The following CELF2 variants were observed in gnomAD, a reference collection of about 807,000 sequenced individuals.
CELF2 encodes the protein CUG triplet repeat RNA-binding protein 2.
Under a neutral mutation model 62.6 loss-of-function variants are expected in CELF2, and 8 were observed. The observed-to-expected ratio is 0.13, with a 90% CI of 0.07 to 0.23. The LOEUF is 0.23. CELF2 is among the 10% of genes least tolerant of loss of function. The pLI is 1.00. For missense variants in CELF2, 333 were observed against 671.0 expected (o/e 0.50, Z 5.56); for synonymous variants, 258 against 250.0 (o/e 1.03, Z -0.30).
chr10:10,545,018 C>T, the CELF2 span, among the ~76,000 whole-genome samples: 1 of 152,178 alleles, frequency 6.6e-6, no homozygotes, highest in Non-Finnish European at 1.5e-5. Context: ...TTCCTAATCA[C>T]TGTAATACAC....
the CELF2 span, among the ~76,000 whole-genome samples, chr10:10,536,493 C>T: frequency 2.4e-4 from 36 of 152,180 alleles, no homozygotes; most frequent in Non-Finnish European, 1.5e-4. Flanking sequence ...GTGTTCCTCA[C>T]GGAGGAGAAT....
chr10:10,907,821 A>T (rs1231275980), intron 1 of CELF2, among the ~76,000 whole-genome samples: 69 of 152,314 alleles, frequency 4.5e-4, no homozygotes, highest in South Asian at 4.1e-4. Flanking sequence ...ATGATTGAAT[A>T]CATTGAATAC....
chr10:11,142,683 C>CAAAAAAA lies in CELF2; in HGVS notation c.75-22789_75-22783dup, dbSNP rs1006618543. Among the ~76,000 whole-genome samples, 58 of 63,702 alleles carry CAAAAAAA rather than the reference C, an allele frequency of 9.1e-4. 2 individuals carry two copies. Among genetic ancestry groups the CAAAAAAA allele is most frequent in the Non-Finnish European group, 1.1e-3 (34 of 31,160 alleles). The allele number at this position is 63,702 out of a possible 152,430, so 41.8% of individuals were successfully genotyped here. ...TGGGTGACAGAGCGAGACGCTGTCT[C>CAAAAAAA]AAAAAAAAAAAAAAAAAAAAGCAGA... On this transcript the variant is annotated intron_variant, in intron 1 of 12. Transcript: ENST00000633077.
chr10:11,035,487 T>A (rs2060802891), intron 1 of CELF2, among the ~76,000 whole-genome samples: 2 of 152,200 alleles, frequency 1.3e-5, no homozygotes, highest in African/African-American at 4.8e-5. Context: ...AGCCAAAGCG[T>A]GACCACAGCC....
chr10:10,911,435 T>C (rs2063799600), intron 1 of CELF2, among the ~76,000 whole-genome samples: 1 of 152,146 alleles, frequency 6.6e-6, no homozygotes, highest in South Asian at 2.1e-4. Flanking sequence ...TGAAAGATGA[T>C]CAGGAAGAGG....
the CELF2 span, among the ~76,000 whole-genome samples, chr10:10,739,814 G>C: frequency 6.6e-6 from 1 of 152,086 alleles, no homozygotes; most frequent in Non-Finnish European, 1.5e-5. Flanking sequence ...ATCTCATTGT[G>C]GTTTTCAGTT....
At chr10:10,963,009 GTTTTGTTTTGTTTTGTT>G (rs1266464754) in intron 2 of CELF2, among the ~76,000 whole-genome samples, 9 of 127,072 alleles carry the variant, frequency 7.1e-5, no homozygotes, top group African/African-American at 3.1e-4. Flanking sequence ...GTTTTGTTTT[GTTTTGTTTTGTTTTGTT>G]TTGTTTTGTT....
At chr10:11,013,639 C>G (rs1468592230), upstream of CELF2, among the ~76,000 whole-genome samples, 1 of 152,196 alleles carries the variant, frequency 6.6e-6, no homozygotes, top group Non-Finnish European at 1.5e-5. This position sits in a 1 kb window ranked among gnomAD's most constrained non-coding sequence, Gnocchi z 4.1. Flanking sequence ...TGACTACTTA[C>G]TATTCCCTGA....
rs114543063 is a variant in CELF2, at chr10:10,853,716, G to A, written c.53+54899G>A. On this transcript the variant is annotated intron_variant, in intron 1 of 13. Transcript: ENST00000636488. ...GCCACATGGAGATCTTGAGAGTGGG[G>A]AGCTGGCCTCTCGGTTCTCCTCGGC... 4.0e-3 allele frequency among the ~76,000 whole-genome samples: 616 copies of A among 152,220 alleles called. 6 individuals are homozygous for A. The highest frequency in any genetic ancestry group is 0.014 in the African/African-American group (594 of 41,562).
chr10:10,479,436 G>A, the CELF2 span, among the ~76,000 whole-genome samples: 1 of 152,120 alleles, frequency 6.6e-6, no homozygotes, highest in Non-Finnish European at 1.5e-5. Flanking sequence ...CAAAGTGCTG[G>A]GATTACAGGC....
At position 11,191,225 on chromosome 10, in the gene CELF2, A is replaced by T. The variant is rs1565193849; in HGVS notation, c.271+25543A>T. Among the ~76,000 whole-genome samples the T allele has an allele frequency of 6.6e-6, 1 of 152,188 alleles. No individual in the cohort carries two copies. Among genetic ancestry groups the T allele is most frequent in the Non-Finnish European group, 1.5e-5 (1 of 68,038 alleles). On this transcript the variant is annotated intron_variant, in intron 2 of 12. Transcript: ENST00000633077. This position sits in a 1 kb window ranked among gnomAD's most constrained non-coding sequence, Gnocchi z 4.1. ...TAGTTCTGTCCCTTTTCAGCTTTAC[A>T]GAGAGGCTTCCTACTTAGATGGTTC...
chr10:11,202,088 A>G lies in CELF2; in HGVS notation c.272-15337A>G, dbSNP rs189914685. Among the ~76,000 whole-genome samples, 239 of 152,290 alleles carry G rather than the reference A, an allele frequency of 1.6e-3. 2 individuals carry two copies. The highest frequency in any genetic ancestry group is 5.6e-3 in the African/African-American group (231 of 41,562). On this transcript the variant is annotated intron_variant, in intron 2 of 12. Transcript: ENST00000633077. Reference sequence around the variant, plus strand: ...TTCCTACCTGAATTTTTCTTGGAGTAGCAGATTGTTTCATTGAGTTGACCA... The same window carrying G: ...TTCCTACCTGAATTTTTCTTGGAGTGGCAGATTGTTTCATTGAGTTGACCA...
At chr10:10,551,887 T>C in the CELF2 span, among the ~76,000 whole-genome samples, 5 of 152,208 alleles carry the variant, frequency 3.3e-5, no homozygotes, top group African/African-American at 4.8e-5. Flanking sequence ...GAACTCTTGA[T>C]AAACATAGCT....
chr10:10,555,515 A>G, the CELF2 span, among the ~76,000 whole-genome samples: 24 of 152,204 alleles, frequency 1.6e-4, no homozygotes, highest in Non-Finnish European at 3.2e-4. Flanking sequence ...GACCCTTTTT[A>G]TACTCGTGAG....
the CELF2 span, among the ~76,000 whole-genome samples, chr10:10,712,173 A>AAAAAAAC: frequency 6.7e-6 from 1 of 149,396 alleles, no homozygotes; most frequent in African/African-American, 2.5e-5. Context: ...AAAAAAAAAA[A>AAAAAAAC]CTGGAATCTC....
rs181820789 is a variant in CELF2, at chr10:11,173,194, C to T, written c.271+7512C>T. ...GTTGTACCACTCTGGGCTACCATAC[C>T]GTGGGGGCATTAGGCAACCAGTCCT... On this transcript the variant is annotated intron_variant, in intron 2 of 12. Coordinates refer to ENST00000633077, the MANE Select transcript of CELF2 (RefSeq NM_001326342.2). 7.9e-5 allele frequency among the ~76,000 whole-genome samples: 12 copies of T among 152,264 alleles called. No individual in the cohort carries two copies. In the South Asian group the frequency reaches 1.0e-3, roughly 13 times the overall value.
rs899535542 is a variant in CELF2 at position 11,010,585 on chromosome 10, G to A, written c.53+5145G>A. Among the ~76,000 whole-genome samples, 4 of 152,156 alleles carry A rather than the reference G, an allele frequency of 2.6e-5. No individual in the cohort carries two copies. The highest frequency in any genetic ancestry group is 9.7e-5 in the African/African-American group (4 of 41,424). Reference sequence around the variant, plus strand: ...TGGTAGTTGTTATTCCCATTTTAAAGATGAAAAACTGAGCCCGAGAGAGGT... The same window carrying A: ...TGGTAGTTGTTATTCCCATTTTAAAAATGAAAAACTGAGCCCGAGAGAGGT... On this transcript the variant is annotated intron_variant, in intron 1 of 12. Coordinates refer to the CELF2 transcript ENST00000416382. This position sits in a 1 kb window ranked among gnomAD's most constrained non-coding sequence, Gnocchi z 4.1.
the CELF2 span, among the ~76,000 whole-genome samples, chr10:10,503,339 C>T: frequency 3.3e-5 from 5 of 152,044 alleles, no homozygotes; most frequent in East Asian, 9.6e-4. Context: ...AAGTCTATAA[C>T]TCTAATTGCG....
intron 1 of CELF2, among the ~76,000 whole-genome samples, chr10:11,067,215 C>A (rs1267105624): frequency 6.6e-6 from 1 of 152,128 alleles, no homozygotes; most frequent in Non-Finnish European, 1.5e-5. Context: ...GCCATTATAA[C>A]CTCTTGTAAG....
Sources: gnomAD v4.1 joint callset for allele counts (sites outside exome capture counted in the v4.1 genomes callset) on GRCh38, gnomAD v4.1.1 for gene constraint, Gnocchi (gnomAD v3.1) non-coding constraint, MANE v1.5 for transcripts, NCBI Gene and HGNC (gene_info 2026-07-23, HGNC 2026-07-21) for gene names.